CACNA1D: variants seen among roughly 807,000 people sequenced by gnomAD.
The protein encoded by CACNA1D is voltage-dependent L-type calcium channel subunit alpha-1D.
CACNA1D carries 55 observed loss-of-function variants against 257.1 expected under a neutral mutation model. The observed-to-expected ratio is 0.21, with a 90% confidence interval of 0.17 to 0.27. CACNA1D has a LOEUF of 0.27. Ranked by LOEUF, CACNA1D falls within the 10% of genes least tolerant of loss-of-function variation. The probability of loss-of-function intolerance (pLI) is 1.00; values close to 1 mark genes in which losing one functional copy is unlikely to be tolerated. For synonymous variants in CACNA1D, 980 were observed against 1,014.9 expected (o/e 0.97, Z 0.65); for missense variants, 1,876 against 2,784.0 (o/e 0.67, Z 7.34).
intron 10 of CACNA1D, chr3:53,718,601 C>CCCCCCAAAAAAAAA: frequency 9.1e-7 from 1 of 1,103,204 alleles, no homozygotes; most frequent in Non-Finnish European, 1.3e-6. Context: ...CCCCCCGGCC[C>CCCCCCAAAAAAAAA]AGCATTTCAC....
At chr3:53,798,883 A>G (rs1285380759) in intron 40 of CACNA1D, among the ~76,000 whole-genome samples, 1 of 152,176 alleles carries the variant, frequency 6.6e-6, no homozygotes, top group South Asian at 2.1e-4. Context: ...ACTTCTGGGC[A>G]TCTGTTCTAC....
At chr3:53,541,021 C>T (rs1009913110) in intron 3 of CACNA1D, among the ~76,000 whole-genome samples, 5 of 152,256 alleles carry the variant, frequency 3.3e-5, no homozygotes, top group African/African-American at 4.8e-5. Flanking sequence ...AGATTGCAGG[C>T]GTGAGCCACT....
chr3:53,657,159 A>T (rs928365463), intron 4 of CACNA1D, among the ~76,000 whole-genome samples: 1 of 152,208 alleles, frequency 6.6e-6, no homozygotes, highest in Non-Finnish European at 1.5e-5. Context: ...GGGCGAATGG[A>T]TAAACTCATT....
intron 2 of CACNA1D, among the ~76,000 whole-genome samples, chr3:53,498,601 G>A (rs2090448888): frequency 6.6e-6 from 1 of 152,142 alleles, no homozygotes; most frequent in East Asian, 1.9e-4. Flanking sequence ...CCTCCACCAG[G>A]CCCAGAAGGA....
chr3:53,596,899 G>C (rs967606714), intron 3 of CACNA1D, among the ~76,000 whole-genome samples: 1 of 152,210 alleles, frequency 6.6e-6, no homozygotes, highest in Non-Finnish European at 1.5e-5. Flanking sequence ...GATATTAGTT[G>C]CTTCAGCTCT....
At chr3:53,559,457 G>C (rs917215061) in intron 3 of CACNA1D, among the ~76,000 whole-genome samples, 8 of 152,176 alleles carry the variant, frequency 5.3e-5, no homozygotes, top group Non-Finnish European at 2.9e-5. Flanking sequence ...TATGGAGACT[G>C]TTTATTTCCT....
At chr3:53,761,854 A>T in intron 29 of CACNA1D, 144 bp from the exon 30 acceptor site, 1 of 708,444 alleles carries the variant, frequency 1.4e-6, no homozygotes, top group Admixed American at 2.0e-5. Flanking sequence ...CCACCAGTGG[A>T]CAGTATTGTT....
At chr3:53,527,096 C>G (rs1337966684) in intron 3 of CACNA1D, among the ~76,000 whole-genome samples, 4 of 152,218 alleles carry the variant, frequency 2.6e-5, no homozygotes, top group Admixed American at 2.6e-4. Context: ...TGTCCATTCT[C>G]TCATTCAATC....
intron 29 of CACNA1D, 41 bp from the exon 30 acceptor site, chr3:53,761,957 A>G (rs1553668543): frequency 1.4e-6 from 2 of 1,391,636 alleles, no homozygotes; most frequent in East Asian, 2.3e-5. Context: ...TGGGTCATTC[A>G]TACATGCTCA....
intron 40 of CACNA1D, 105 bp downstream of exon 40, chr3:53,787,057 T>C: frequency 7.9e-7 from 1 of 1,269,768 alleles, no homozygotes; most frequent in East Asian, 2.5e-5. Flanking sequence ...ACCACAAGGA[T>C]TTTGTTTAAA....
At chr3:53,598,809 G>A (rs1363689638) in intron 3 of CACNA1D, among the ~76,000 whole-genome samples, 1 of 152,196 alleles carries the variant, frequency 6.6e-6, no homozygotes, top group Non-Finnish European at 1.5e-5. Flanking sequence ...GGCAAAGCGG[G>A]ATGTGCCCAT....
At chr3:53,541,049 T>G (rs1483494172) in intron 3 of CACNA1D, among the ~76,000 whole-genome samples, 1 of 152,172 alleles carries the variant, frequency 6.6e-6, no homozygotes, top group African/African-American at 2.4e-5. Flanking sequence ...GCCGGCATGG[T>G]ATTTCATTGA....
chr3:53,580,804 T>C, intron 3 of CACNA1D, among the ~76,000 whole-genome samples: 1 of 152,238 alleles, frequency 6.6e-6, no homozygotes, highest in Admixed American at 6.5e-5. Context: ...AGTAGCCATG[T>C]ATGTCTTCAT....
At chr3:53,710,634 T>C (rs2094743437) in intron 9 of CACNA1D, among the ~76,000 whole-genome samples, 1 of 152,230 alleles carries the variant, frequency 6.6e-6, no homozygotes, top group African/African-American at 2.4e-5. Flanking sequence ...TTTTCCAAAA[T>C]AATGTGCCCT....
intron 15 of CACNA1D, 31 bp from the exon 16 acceptor site, chr3:53,730,411 G>C (rs369543284): frequency 7.1e-7 from 1 of 1,417,102 alleles, no homozygotes; most frequent in South Asian, 1.1e-5. Flanking sequence ...GCATTTAGTA[G>C]TGTGTTGTGC....
At chr3:53,625,995 G>A (rs576901128) in intron 3 of CACNA1D, among the ~76,000 whole-genome samples, 53 of 152,330 alleles carry the variant, frequency 3.5e-4, no homozygotes, top group African/African-American at 1.3e-3. Flanking sequence ...GGGGATAAAG[G>A]AGAGTCTTAT....
intron 3 of CACNA1D, among the ~76,000 whole-genome samples, chr3:53,529,584 T>A (rs1458593384): frequency 2.0e-5 from 3 of 152,186 alleles, no homozygotes; most frequent in Non-Finnish European, 4.4e-5. Context: ...TTTCTTTAAG[T>A]GTGTAGAGTG....
chr3:53,569,681 G>C (rs2092910235), intron 3 of CACNA1D, among the ~76,000 whole-genome samples: 1 of 152,186 alleles, frequency 6.6e-6, no homozygotes, highest in African/African-American at 2.4e-5. Context: ...CTAGAACTCT[G>C]TTGAATTGAT....
At chr3:53,784,367 G>A (rs1025785397) in intron 39 of CACNA1D, among the ~76,000 whole-genome samples, 2 of 152,100 alleles carry the variant, frequency 1.3e-5, no homozygotes, top group African/African-American at 4.8e-5. Flanking sequence ...TTTTCAGTCC[G>A]GAGCCCAGAT....
Sources: allele counts gnomAD v4.1 joint callset (sites outside exome capture counted in the v4.1 genomes callset), GRCh38; gene constraint gnomAD v4.1.1; transcripts MANE v1.5; gene names NCBI Gene and HGNC (gene_info 2026-07-23, HGNC 2026-07-21).